Variants in SPAG16 observed in about 807,000 individuals in gnomAD.
SPAG16 encodes sperm-associated antigen 16 protein.
A neutral mutation model predicts 80.4 loss-of-function variants in SPAG16; 86 were observed. The observed-to-expected ratio is 1.07, with a 90% confidence interval of 0.90 to 1.28. The LOEUF (loss-of-function observed/expected upper bound fraction) is 1.28. Among genes scored for constraint, SPAG16 ranks in the 50% most tolerant of loss-of-function variants. The probability of loss-of-function intolerance (pLI) is 0.00; values close to 1 mark genes in which losing one functional copy is unlikely to be tolerated. For missense variants in SPAG16, 870 were observed against 765.3 expected, an observed-to-expected ratio of 1.14 and a Z score of -1.61; for synonymous variants, 294 against 265.9, an observed-to-expected ratio of 1.11 and a Z score of -1.03.
chr2:214,049,117 C>G (rs1164694192), intron 13 of SPAG16, among the ~76,000 whole-genome samples: 1 of 152,096 alleles, frequency 6.6e-6, no homozygotes, highest in East Asian at 1.9e-4. Context: ...TAAACATTTT[C>G]TAGAGATGAG....
chr2:213,426,932 A>T (rs1318295699), intron 9 of SPAG16, among the ~76,000 whole-genome samples: 1 of 151,608 alleles, frequency 6.6e-6, no homozygotes, highest in Non-Finnish European at 1.5e-5. Context: ...TCCATGAATA[A>T]ATAACCAAAG....
intron 12 of SPAG16, among the ~76,000 whole-genome samples, chr2:213,974,946 G>A (rs546430883): frequency 4.5e-4 from 45 of 99,846 alleles, no homozygotes; most frequent in African/African-American, 2.3e-3. Context: ...GTAAGATGTC[G>A]TTAAAAAAAA....
At chr2:214,318,413 G>C (rs1318100406) in intron 15 of SPAG16, among the ~76,000 whole-genome samples, 1 of 119,064 alleles carries the variant, frequency 8.4e-6, no homozygotes, top group Non-Finnish European at 1.6e-5. Context: ...ACAGGGTCTC[G>C]CTCTGTTGCC....
intron 11 of SPAG16, among the ~76,000 whole-genome samples, chr2:213,927,435 C>G (rs2078534081): frequency 6.6e-6 from 1 of 152,144 alleles, no homozygotes; most frequent in African/African-American, 2.4e-5. Context: ...CTTGATTTCT[C>G]TCAGCCCTCA....
chr2:213,490,308 T>C (rs1156278474), intron 10 of SPAG16, among the ~76,000 whole-genome samples: 3 of 152,166 alleles, frequency 2.0e-5, no homozygotes, highest in Non-Finnish European at 4.4e-5. Context: ...CTATTGTGTA[T>C]TTTATTGTAG....
intron 11 of SPAG16, among the ~76,000 whole-genome samples, chr2:213,914,339 TA>T (rs529523626): frequency 6.6e-6 from 1 of 152,278 alleles, no homozygotes; most frequent in South Asian, 2.1e-4. Context: ...TATACTTCTG[TA>T]AAAATCTTTG....
rs995125117 is a variant in SPAG16, at chr2:213,783,431, T to C, written c.1071-79054T>C. Among the ~76,000 whole-genome samples the C allele has an allele frequency of 6.1e-4, 91 of 148,930 alleles. 1 individual carries two copies. In the South Asian group the frequency reaches 0.019, roughly 30 times the overall value. ...AATACATTTTTGAAGGCAGAGTATC[T>C]ATATCTATTATTTTTTTTAAGAACA... On this transcript the variant is annotated intron_variant, in intron 10 of 15. Coordinates refer to ENST00000331683, the MANE Select transcript of SPAG16 (RefSeq NM_024532.5).
chr2:213,563,782 C>A (rs989608565), intron 10 of SPAG16, among the ~76,000 whole-genome samples: 3 of 152,176 alleles, frequency 2.0e-5, no homozygotes, highest in African/African-American at 7.2e-5. Flanking sequence ...TGTTCATCTT[C>A]CTCAGTGCTT....
intron 15 of SPAG16, among the ~76,000 whole-genome samples, chr2:214,222,866 C>G (rs2125780190): frequency 6.6e-6 from 1 of 152,108 alleles, no homozygotes; most frequent in East Asian, 1.9e-4. Flanking sequence ...AAGGTGTGGC[C>G]TTGGGTTATA....
chr2:213,699,250 T>C (rs183205705), intron 10 of SPAG16, among the ~76,000 whole-genome samples: 1 of 152,330 alleles, frequency 6.6e-6, no homozygotes, highest in Admixed American at 6.5e-5. Context: ...CTTACGTTGT[T>C]CTCCTTCTCC....
intron 9 of SPAG16, among the ~76,000 whole-genome samples, chr2:213,417,132 A>T (rs1461357487): frequency 1.3e-5 from 2 of 152,130 alleles, no homozygotes; most frequent in Non-Finnish European, 2.9e-5. Context: ...TCTTGGCTAG[A>T]CTTTCCTGTC....
chr2:213,560,172 A>G, intron 10 of SPAG16, among the ~76,000 whole-genome samples: 1 of 152,126 alleles, frequency 6.6e-6, no homozygotes, highest in East Asian at 1.9e-4. Flanking sequence ...AAGCCTCCAT[A>G]GAAGAAAAGG....
chr2:213,658,224 C>T (rs1235668542), intron 10 of SPAG16, among the ~76,000 whole-genome samples: 3 of 152,132 alleles, frequency 2.0e-5, no homozygotes, highest in Non-Finnish European at 4.4e-5. Context: ...CTGTTCTTCT[C>T]TCACTGGCTG....
At chr2:214,011,409 C>T (rs896565817) in intron 12 of SPAG16, among the ~76,000 whole-genome samples, 1 of 119,658 alleles carries the variant, frequency 8.4e-6, no homozygotes, top group Non-Finnish European at 1.7e-5. Flanking sequence ...CAAGTATACT[C>T]GTAAATATTC....
chr2:214,074,592 T>C (rs996853655), intron 13 of SPAG16, among the ~76,000 whole-genome samples: 7 of 152,012 alleles, frequency 4.6e-5, no homozygotes, highest in Non-Finnish European at 8.8e-5. Context: ...AGAAATTCCA[T>C]TCATTAACGC....
rs577903054 is a variant in SPAG16, at chr2:214,110,430, T to C, written c.1593+2169T>C. 1.9e-3 allele frequency among the ~76,000 whole-genome samples: 290 copies of C among 152,304 alleles called. 2 individuals carry two copies. Among genetic ancestry groups the C allele is most frequent in the Non-Finnish European group, 2.0e-3 (134 of 68,032 alleles). ...TGATAGTTTGCTGAGAATGATGGTT[T>C]CCAGCTTCACCCATGTCCCTGCAAA... On this transcript the variant is annotated intron_variant, in intron 14 of 15. Transcript: ENST00000331683.
chr2:213,466,616 A>G (rs953821930), intron 9 of SPAG16, among the ~76,000 whole-genome samples: 2 of 152,178 alleles, frequency 1.3e-5, no homozygotes, highest in African/African-American at 2.4e-5. Context: ...CTCTGACAAG[A>G]GTAGACCTAG....
intron 15 of SPAG16, among the ~76,000 whole-genome samples, chr2:214,291,921 TA>T (rs1559187805): frequency 6.6e-6 from 1 of 152,230 alleles, no homozygotes; most frequent in African/African-American, 2.4e-5. Flanking sequence ...AGGAGTCCCT[TA>T]AGCATTTCTT....
At chr2:214,166,885 T>C (rs1291791097) in intron 15 of SPAG16, among the ~76,000 whole-genome samples, 2 of 152,152 alleles carry the variant, frequency 1.3e-5, no homozygotes, top group African/African-American at 4.8e-5. Flanking sequence ...AAATAAATAA[T>C]GCTAGTATGA....
Sources: gnomAD v4.1 joint callset for allele counts (sites outside exome capture counted in the v4.1 genomes callset) on GRCh38, gnomAD v4.1.1 for gene constraint, MANE v1.5 for transcripts, NCBI Gene and HGNC (gene_info 2026-07-23, HGNC 2026-07-21) for gene names.